The following RNF149 variants were observed in gnomAD, a reference collection of about 807,000 sequenced individuals.
The protein encoded by RNF149 is E3 ubiquitin-protein ligase RNF149.
A neutral mutation model predicts 39.0 loss-of-function variants in RNF149; 21 were observed. The observed-to-expected ratio is 0.54, with a 90% CI of 0.38 to 0.77. The LOEUF is 0.77. Among genes scored for constraint, RNF149 ranks in the 30% least tolerant of loss-of-function variants. RNF149 has a pLI of 0.00. For synonymous variants in RNF149, 209 were observed against 213.6 expected, an observed-to-expected ratio of 0.98 and a Z score of 0.19; for missense variants, 493 against 534.9, an observed-to-expected ratio of 0.92 and a Z score of 0.77.
In RNF149 at chr2:101,282,006, T is replaced by C; in HGVS notation, c.1012A>G (p.Arg338Gly). The stretch of plus-strand genomic sequence containing the variant: ...AGACTCAAATTTGCAGCTGGATCCC[T>C]TCCAGGAGGAGATTCTGGAGCAGGC... ...EMPAPESPPG[R>G]DPAANLSLAL... Residue 338 changes from arginine to glycine, a missense_variant, in exon 6 of 7, where the codon AGG (arginine) becomes GGG (glycine). Transcript: ENST00000295317. 6.2e-7 allele frequency: 1 copy of C among 1,614,064 alleles called. No individual in the cohort carries two copies. The highest frequency in any genetic ancestry group is 8.5e-7 in the Non-Finnish European group (1 of 1,179,994).
chr2:101,294,211 C>G (rs537958013), intron 2 of RNF149, 129 bp from the exon 3 acceptor site: 1 of 585,994 alleles, frequency 1.7e-6, no homozygotes, highest in East Asian at 3.1e-5. Context: ...AGTCAAATGA[C>G]TATACTGAAA....
chr2:101,286,329 T>C, intron 4 of RNF149, 152 bp from the exon 5 acceptor site: 1 of 501,304 alleles, frequency 2.0e-6, no homozygotes, highest in Non-Finnish European at 3.6e-6. Context: ...GTCATTATTC[T>C]CTCTTCCATA....
rs1010666150 is a variant in RNF149, at chr2:101,305,849, C to G, written c.460+2280G>C. On this transcript the variant is annotated intron_variant, in intron 1 of 6. Coordinates refer to ENST00000295317, the MANE Select transcript of RNF149 (RefSeq NM_173647.4). Reference sequence around the variant, plus strand: ...TCAGTTTCCTCATCTGTATGTACTCCGTGATCAAATACCTTCCTTAAAGGC... The same window carrying G: ...TCAGTTTCCTCATCTGTATGTACTCGGTGATCAAATACCTTCCTTAAAGGC... Among the ~76,000 whole-genome samples the G allele has an allele frequency of 1.3e-5, 2 of 152,286 alleles. 1 individual carries two copies. The highest frequency in any genetic ancestry group is 4.8e-5 in the African/African-American group (2 of 41,564).
intron 3 of RNF149, among the ~76,000 whole-genome samples, chr2:101,292,964 G>C (rs1683075837): frequency 6.8e-6 from 1 of 146,188 alleles, no homozygotes; most frequent in Non-Finnish European, 1.5e-5. Flanking sequence ...TAAGCCATGA[G>C]ATGTGATCTT....
chr2:101,277,223 C>T lies in RNF149; in HGVS notation c.*15G>A, dbSNP rs1226161145. The T allele has an allele frequency of 1.9e-6, 3 of 1,613,228 alleles. No homozygotes were observed. Among genetic ancestry groups the T allele is most frequent in the Non-Finnish European group, 1.7e-6 (2 of 1,179,542 alleles). ...AGCCAAACTTCTGTTGGTGCCACTT[C>T]AGTGGGCACGTGTGCTAGGAGATGG... On this transcript the variant is annotated 3_prime_UTR_variant, in exon 7 of 7. Transcript: ENST00000295317.
chr2:101,306,742 C>G (rs766695652), intron 1 of RNF149, among the ~76,000 whole-genome samples: 3 of 152,176 alleles, frequency 2.0e-5, no homozygotes, highest in African/African-American at 4.8e-5. Context: ...AAGAGTTGTC[C>G]TAACAGTCCT....
At chr2:101,300,213 T>C (rs902608789) in intron 1 of RNF149, among the ~76,000 whole-genome samples, 12 of 152,168 alleles carry the variant, frequency 7.9e-5, no homozygotes, top group Non-Finnish European at 1.8e-4. Context: ...AGAGGGTTTC[T>C]AGACTGTAGA....
chr2:101,278,960 T>C (rs903879573), intron 6 of RNF149, among the ~76,000 whole-genome samples: 2 of 152,242 alleles, frequency 1.3e-5, no homozygotes, highest in African/African-American at 4.8e-5. Context: ...ATTCATTTCC[T>C]AGTTGCTCCT....
At chr2:101,307,591 CAG>C (rs1325279761) in intron 1 of RNF149, among the ~76,000 whole-genome samples, 1 of 152,144 alleles carries the variant, frequency 6.6e-6, no homozygotes, top group Non-Finnish European at 1.5e-5. Flanking sequence ...TTTAGCAAGT[CAG>C]AAAGCACAGG....
chr2:101,297,285 C>T (rs540879196), intron 1 of RNF149, among the ~76,000 whole-genome samples: 1 of 152,194 alleles, frequency 6.6e-6, no homozygotes, highest in East Asian at 1.9e-4. Flanking sequence ...AAACTAATTT[C>T]CTATAAGAGT....
chr2:101,289,197 C>T, intron 3 of RNF149, 142 bp from the exon 4 acceptor site: 1 of 591,452 alleles, frequency 1.7e-6, no homozygotes, highest in East Asian at 2.9e-5. Context: ...AATAACTGTA[C>T]TTGGTGTTTA....
intron 1 of RNF149, among the ~76,000 whole-genome samples, chr2:101,305,768 CCTAGATTA>C (rs1683632583): frequency 1.3e-5 from 2 of 151,916 alleles, no homozygotes; most frequent in African/African-American, 4.8e-5. Flanking sequence ...ATTATCTGGC[CCTAGATTA>C]CTAGATTACT....
chr2:101,299,175 T>C (rs371170456), intron 1 of RNF149, among the ~76,000 whole-genome samples: 7 of 152,058 alleles, frequency 4.6e-5, no homozygotes, highest in Non-Finnish European at 1.5e-5. Context: ...CAAAAAATAA[T>C]GTGAAAGGGT....
intron 5 of RNF149, among the ~76,000 whole-genome samples, chr2:101,283,143 C>T (rs765970747): frequency 2.6e-5 from 4 of 152,188 alleles, no homozygotes; most frequent in Non-Finnish European, 5.9e-5. Flanking sequence ...CTCTCAAATG[C>T]ACTTGCCCCA....
At position 101,276,143 on chromosome 2, in the gene RNF149, T is replaced by C; in HGVS notation, c.*1095A>G. The C allele has an allele frequency of 4.1e-6, 4 of 968,690 alleles. No individual in the cohort carries two copies. The highest frequency in any genetic ancestry group is 4.9e-6 in the Non-Finnish European group (4 of 814,652). 60.0% of individuals were successfully genotyped at this position (968,690 alleles called of 1,614,324 possible). A position where few individuals can be genotyped will look rare whatever the true frequency, so the allele number is the denominator to read the frequency against. On this transcript the variant is annotated 3_prime_UTR_variant, in exon 7 of 7. Coordinates refer to ENST00000295317, the MANE Select transcript of RNF149 (RefSeq NM_173647.4). ...ACAAAGTAAAGATATACAGAATAAC[T>C]AGGAGCAAGGAAAGACTATAATTCC...
chr2:101,299,990 T>C (rs940380349), intron 1 of RNF149, among the ~76,000 whole-genome samples: 2 of 152,142 alleles, frequency 1.3e-5, no homozygotes, highest in African/African-American at 4.8e-5. Context: ...GCCTGGGAGG[T>C]TGGAAAAATC....
chr2:101,282,128 G>A, intron 5 of RNF149, 71 bp from the exon 6 acceptor site: 1 of 1,578,092 alleles, frequency 6.3e-7, no homozygotes, highest in South Asian at 1.2e-5. Flanking sequence ...GTATCATCTG[G>A]CTCGTAATTC....
Position 101,295,104 on chromosome 2 carries a change from G to T in RNF149, c.538C>A (p.Pro180Thr). Residue 180 changes from proline (P) to threonine (T), a missense_variant, in exon 2 of 7, where the codon CCA becomes ACA. Transcript: ENST00000295317. The stretch of plus-strand genomic sequence containing the variant: ...CCAACCCCTATGGTCATCGTTACTG[G>T]AATTCCTTTTTGCACCAGCTCCAAA... ...EILELVQKGI[P>T]VTMTIGVGTR... The T allele has an allele frequency of 6.2e-7, 1 of 1,614,136 alleles. No individual in the cohort carries two copies. The highest frequency in any genetic ancestry group is 1.7e-5 in the Admixed American group (1 of 60,014).
intron 1 of RNF149, among the ~76,000 whole-genome samples, chr2:101,305,975 T>G (rs1683643688): frequency 6.6e-6 from 1 of 152,210 alleles, no homozygotes; most frequent in African/African-American, 2.4e-5. Context: ...CGTTGGTCTT[T>G]TCTCTCAAAC....
Sources: allele counts gnomAD v4.1 joint callset (sites outside exome capture counted in the v4.1 genomes callset), GRCh38; gene constraint gnomAD v4.1.1; transcripts MANE v1.5; gene names NCBI Gene and HGNC (gene_info 2026-07-23, HGNC 2026-07-21).